The following CMYA5 variants were observed in gnomAD, a reference collection of about 807,000 sequenced individuals.
CMYA5 encodes cardiomyopathy associated 5, also known as cardiomyopathy-associated protein 5.
CMYA5 carries 246 observed loss-of-function variants against 318.9 expected under a neutral mutation model. The observed-to-expected ratio is 0.77, with a 90% CI of 0.70 to 0.86. The LOEUF (loss-of-function observed/expected upper bound fraction) is 0.86. Among genes scored for constraint, CMYA5 ranks in the 40% least tolerant of loss-of-function variants. The pLI is 0.00. For synonymous variants in CMYA5, 1,641 were observed against 1,729.5 expected (o/e 0.95, Z 1.27); for missense variants, 4,589 against 4,678.2 (o/e 0.98, Z 0.56).
In CMYA5 at chr5:79,752,771, A is replaced by C. The variant is rs1281685489; in HGVS notation, c.11087A>C (p.Asp3696Ala). Residue 3696 changes from aspartate to alanine, a missense_variant, in exon 6 of 13, where the codon GAC (aspartate) becomes GCC (alanine). Asp to Ala is a moderately radical substitution (Grantham distance 126, BLOSUM62 -2). Around this residue, in one of 3 missense-constraint regions of CMYA5, gnomAD observed 2,431 missense variants for 2,495.1 expected, o/e 0.97. Transcript: ENST00000446378. ...EHYDDSSARSDQMLKQVAVPQ... is the reference protein window; with the variant it reads ...EHYDDSSARSAQMLKQVAVPQ... ...TATGATGACAGCTCGGCAAGAAGTGACCAGATGTTAAAACAAGTGGCTGGT... is the reference window on the plus strand; with the variant it reads ...TATGATGACAGCTCGGCAAGAAGTGCCCAGATGTTAAAACAAGTGGCTGGT... 3 of 1,613,312 alleles carry C rather than the reference A, an allele frequency of 1.9e-6. No individual in the cohort carries two copies. The highest frequency in any genetic ancestry group is 2.2e-5 in the East Asian group (1 of 44,864).
intron 1 of CMYA5, among the ~76,000 whole-genome samples, chr5:79,698,059 G>T (rs1426186997): frequency 6.6e-6 from 1 of 152,084 alleles, no homozygotes; most frequent in African/African-American, 2.4e-5. Flanking sequence ...ACTTGCAACA[G>T]TTATTTACCA....
In CMYA5 at chr5:79,739,167, A is replaced by C; in HGVS notation, c.10402A>C (p.Ser3468Arg). 6.2e-7 allele frequency: 1 copy of C among 1,613,678 alleles called. No homozygotes were observed. The highest frequency in any genetic ancestry group is 1.3e-5 in the African/African-American group (1 of 75,040). Reference sequence around the variant, plus strand: ...GCACATCAGTGAAAATGAATTTGCGAGTGAGGCAGAACAAAGTACACCTGC... The same window carrying C: ...GCACATCAGTGAAAATGAATTTGCGCGTGAGGCAGAACAAAGTACACCTGC... ...FEHISENEFA[S>R]EAEQSTPAEQ... Residue 3468 changes from serine to arginine, a missense_variant, in exon 2 of 13, where the codon AGT (serine) becomes CGT (arginine). Physicochemically the swap from Ser to Arg is moderately radical, Grantham distance 110. Around this residue, in one of 3 missense-constraint regions of CMYA5, gnomAD observed 2,431 missense variants for 2,495.1 expected, o/e 0.97. Transcript: ENST00000446378.
chr5:79,756,111 A>C (rs1410967115), intron 6 of CMYA5, among the ~76,000 whole-genome samples: 1 of 126,672 alleles, frequency 7.9e-6, no homozygotes, highest in African/African-American at 2.8e-5. Flanking sequence ...GTAACATGAA[A>C]ATTTACTGAA....
chr5:79,711,603 C>A (rs1192989153), intron 1 of CMYA5, among the ~76,000 whole-genome samples: 1 of 152,042 alleles, frequency 6.6e-6, no homozygotes, highest in East Asian at 1.9e-4. Flanking sequence ...TTCCCATATA[C>A]CCTTATAGAT....
At chr5:79,706,321 A>G (rs1402265661) in intron 1 of CMYA5, among the ~76,000 whole-genome samples, 3 of 152,206 alleles carry the variant, frequency 2.0e-5, no homozygotes, top group African/African-American at 2.4e-5. Context: ...AGAATTTACA[A>G]TATAGTGTGT....
At chr5:79,725,588 ACATGTTCC>A (rs1827730791) in intron 1 of CMYA5, among the ~76,000 whole-genome samples, 1 of 152,202 alleles carries the variant, frequency 6.6e-6, no homozygotes, top group Admixed American at 6.5e-5. Context: ...ACAAATGTGC[ACATGTTCC>A]CCCTGGATCT....
chr5:79,723,955 C>T (rs1465435541), intron 1 of CMYA5, among the ~76,000 whole-genome samples: 2 of 152,034 alleles, frequency 1.3e-5, no homozygotes, highest in African/African-American at 4.8e-5. Context: ...ATTTGGATAT[C>T]AATCACTGTA....
At chr5:79,727,465 AT>A (rs1050704434) in intron 1 of CMYA5, among the ~76,000 whole-genome samples, 30 of 152,026 alleles carry the variant, frequency 2.0e-4, no homozygotes, top group African/African-American at 7.0e-4. Context: ...CTAACTGTAG[AT>A]TTTTTTTCAA....
At position 79,717,163 on chromosome 5, in the gene CMYA5, C is replaced by G. The variant is rs113061449; in HGVS notation, c.150-11752C>G. On this transcript the variant is annotated intron_variant, in intron 1 of 12. Transcript: ENST00000446378. Reference sequence around the variant, plus strand: ...AGGATCAGTTGTGATTGTTCCAGGACCTTTTTATACTAGTTATACTTGTTA... The same window carrying G: ...AGGATCAGTTGTGATTGTTCCAGGAGCTTTTTATACTAGTTATACTTGTTA... 2.3e-3 allele frequency among the ~76,000 whole-genome samples: 349 copies of G among 152,224 alleles called. 1 individual carries two copies. The highest frequency in any genetic ancestry group is 7.4e-3 in the African/African-American group (309 of 41,536).
intron 9 of CMYA5, among the ~76,000 whole-genome samples, chr5:79,765,686 C>T (rs1461539262): frequency 6.6e-6 from 1 of 152,156 alleles, no homozygotes; most frequent in Non-Finnish European, 1.5e-5. Flanking sequence ...TTGTAGTTCT[C>T]CTTGAAGAGG....
chr5:79,720,296 G>GA (rs1436523727), intron 1 of CMYA5, among the ~76,000 whole-genome samples: 1 of 151,982 alleles, frequency 6.6e-6, no homozygotes, highest in Non-Finnish European at 1.5e-5. Context: ...GGTAGTGGGG[G>GA]AAAAAAGTCC....
chr5:79,761,022 G>T (rs76167542), intron 7 of CMYA5, among the ~76,000 whole-genome samples: 3 of 152,204 alleles, frequency 2.0e-5, no homozygotes, highest in East Asian at 3.9e-4. Flanking sequence ...GAGTCATAAG[G>T]GGGGGAAACT....
intron 1 of CMYA5, among the ~76,000 whole-genome samples, chr5:79,702,935 A>G (rs920323817): frequency 3.3e-5 from 5 of 152,104 alleles, no homozygotes; most frequent in African/African-American, 1.2e-4. Flanking sequence ...CTGCACATCT[A>G]TTTCTTTCCT....
intron 3 of CMYA5, among the ~76,000 whole-genome samples, chr5:79,744,262 A>G (rs1242447540): frequency 6.6e-6 from 1 of 152,204 alleles, no homozygotes; most frequent in Non-Finnish European, 1.5e-5. Flanking sequence ...TAGATAAGAA[A>G]CCAAGTCTTA....
At chr5:79,699,906 A>G (rs1370888280) in intron 1 of CMYA5, among the ~76,000 whole-genome samples, 1 of 152,224 alleles carries the variant, frequency 6.6e-6, no homozygotes, top group Non-Finnish European at 1.5e-5. Context: ...TCATTAAAAG[A>G]AAATTCTGGT....
chr5:79,744,009 G>T, intron 3 of CMYA5, 87 bp downstream of exon 3: 1 of 623,482 alleles, frequency 1.6e-6, no homozygotes, highest in Non-Finnish European at 2.7e-6. Context: ...TCTGACTTGG[G>T]GATTTTATGC....
chr5:79,721,468 C>G (rs954696027), intron 1 of CMYA5, among the ~76,000 whole-genome samples: 1 of 152,098 alleles, frequency 6.6e-6, no homozygotes, highest in African/African-American at 2.4e-5. Context: ...GAACTAAATG[C>G]TCTATTTAAA....
chr5:79,779,068 C>T (rs1417913503), intron 9 of CMYA5, among the ~76,000 whole-genome samples: 1 of 49,008 alleles, frequency 2.0e-5, no homozygotes, highest in Non-Finnish European at 3.2e-5. Context: ...CCCCCCTCCC[C>T]CGACCCCACC....
intron 11 of CMYA5, among the ~76,000 whole-genome samples, chr5:79,792,588 G>A (rs1047818088): frequency 6.6e-6 from 1 of 152,148 alleles, no homozygotes; most frequent in South Asian, 2.1e-4. Flanking sequence ...CATGAAAAGT[G>A]GAATACATTC....
Sources: gnomAD v4.1 joint callset for allele counts (sites outside exome capture counted in the v4.1 genomes callset) on GRCh38, gnomAD v4.1.1 for gene constraint, gnomAD v4.1.1 regional missense constraint, MANE v1.5 for transcripts, NCBI Gene and HGNC (gene_info 2026-07-23, HGNC 2026-07-21) for gene names.